KCNAB1: variants seen among roughly 807,000 people sequenced by gnomAD.
KCNAB1 encodes the protein potassium voltage-gated channel subfamily A regulatory beta subunit 1.
KCNAB1 carries 35 observed loss-of-function variants against 64.6 expected under a neutral mutation model. The observed-to-expected ratio is 0.54, with a 90% CI of 0.41 to 0.72. KCNAB1 has a LOEUF of 0.72. Ranked by LOEUF, KCNAB1 falls within the 30% of genes least tolerant of loss-of-function variation. The probability of loss-of-function intolerance (pLI) is 0.00; values close to 1 mark genes in which losing one functional copy is unlikely to be tolerated. For synonymous variants in KCNAB1, 177 were observed against 183.8 expected (o/e 0.96, Z 0.30); for missense variants, 401 against 512.9 (o/e 0.78, Z 2.11).
intron 13 of KCNAB1, among the ~76,000 whole-genome samples, chr3:156,535,964 C>T (rs1160907559): frequency 6.6e-6 from 1 of 152,178 alleles, no homozygotes; most frequent in East Asian, 1.9e-4. Flanking sequence ...CCATTCTTAC[C>T]ATCCGTATCC....
At chr3:156,474,085 C>T (rs1160860786) in intron 7 of KCNAB1, among the ~76,000 whole-genome samples, 1 of 152,062 alleles carries the variant, frequency 6.6e-6, no homozygotes, top group African/African-American at 2.4e-5. Flanking sequence ...GTCTTTATAG[C>T]ATTAGCGTCC....
At chr3:156,244,966 A>G (rs1348469866) in intron 1 of KCNAB1, among the ~76,000 whole-genome samples, 1 of 152,222 alleles carries the variant, frequency 6.6e-6, no homozygotes, top group Non-Finnish European at 1.5e-5. Context: ...CTGGCCACGT[A>G]CAGAAGAAGG....
At chr3:156,491,428 A>G (rs961105399) in intron 8 of KCNAB1, among the ~76,000 whole-genome samples, 1 of 152,134 alleles carries the variant, frequency 6.6e-6, no homozygotes, top group African/African-American at 2.4e-5. Context: ...CTGTAGCTCC[A>G]AATCAAACTA....
At chr3:156,422,078 A>G (rs1715500578) in intron 2 of KCNAB1, among the ~76,000 whole-genome samples, 1 of 152,082 alleles carries the variant, frequency 6.6e-6, no homozygotes, top group Admixed American at 6.5e-5. Flanking sequence ...TATGCATTTT[A>G]TATACTTTTA....
In KCNAB1 at chr3:156,201,556, C is replaced by G. The variant is rs376706326; in HGVS notation, c.275+80670C>G. On this transcript the variant is annotated intron_variant, in intron 1 of 13. Transcript: ENST00000490337. ...CTGCTGTTTTCCTTGCCTAGTTCTGCTCCAGCAGCAGTGTCAGCGCAGGGG... is the reference window on the plus strand; with the variant it reads ...CTGCTGTTTTCCTTGCCTAGTTCTGGTCCAGCAGCAGTGTCAGCGCAGGGG... Among the ~76,000 whole-genome samples, 3 of 152,248 alleles carry G rather than the reference C, an allele frequency of 2.0e-5. No individual in the cohort carries two copies. The East Asian group carries it at 5.8e-4, about 29-fold the overall frequency.
chr3:156,369,477 G>C (rs114084656), intron 1 of KCNAB1, among the ~76,000 whole-genome samples: 7 of 152,330 alleles, frequency 4.6e-5, no homozygotes, highest in Non-Finnish European at 1.0e-4. Context: ...CTGGGTCATA[G>C]AGTTCTCACT....
chr3:156,158,007 C>CA (rs1246921446), intron 1 of KCNAB1, among the ~76,000 whole-genome samples: 4 of 150,642 alleles, frequency 2.7e-5, no homozygotes, highest in Non-Finnish European at 4.4e-5. Context: ...ACTAAAAATA[C>CA]AAAAAAAATT....
intron 11 of KCNAB1, among the ~76,000 whole-genome samples, chr3:156,518,048 G>C (rs1021239551): frequency 2.0e-5 from 3 of 152,164 alleles, no homozygotes; most frequent in East Asian, 1.9e-4. Flanking sequence ...CTCCATCACT[G>C]TTTGAGAAAA....
At chr3:156,502,398 C>T (rs1183263558) in intron 8 of KCNAB1, among the ~76,000 whole-genome samples, 2 of 151,924 alleles carry the variant, frequency 1.3e-5, no homozygotes, top group African/African-American at 4.8e-5. Context: ...ATTTATAAAA[C>T]ATTGATATTT....
intron 1 of KCNAB1, among the ~76,000 whole-genome samples, chr3:156,209,521 A>G (rs1440415858): frequency 2.0e-5 from 3 of 152,250 alleles, no homozygotes; most frequent in Admixed American, 2.0e-4. Flanking sequence ...TATTTCCTGA[A>G]CATTAAAGAC....
chr3:156,203,168 T>G (rs1164695237), intron 1 of KCNAB1, among the ~76,000 whole-genome samples: 1 of 152,222 alleles, frequency 6.6e-6, no homozygotes, highest in East Asian at 1.9e-4. Context: ...CACTGGGAGA[T>G]ATTCATGACC....
At chr3:156,131,786 AGGGGT>A (rs1045083443) in intron 1 of KCNAB1, among the ~76,000 whole-genome samples, 1 of 152,202 alleles carries the variant, frequency 6.6e-6, no homozygotes, top group Admixed American at 6.5e-5. Flanking sequence ...AAGTCCGACC[AGGGGT>A]GGGAAGGGTC....
chr3:156,229,004 C>T (rs867900138), intron 1 of KCNAB1, among the ~76,000 whole-genome samples: 2 of 152,140 alleles, frequency 1.3e-5, no homozygotes, highest in South Asian at 2.1e-4. Flanking sequence ...AGACATACCC[C>T]AGAGGCATCA....
At chr3:156,246,602 C>CA (rs1263785244) in intron 1 of KCNAB1, among the ~76,000 whole-genome samples, 1,557 of 44,984 alleles carry the variant, frequency 0.035, 29 homozygotes, top group African/African-American at 0.1. Flanking sequence ...GACTCTATCT[C>CA]AAAAAAAAAA....
intron 1 of KCNAB1, among the ~76,000 whole-genome samples, chr3:156,315,282 T>C (rs1242303045): frequency 6.6e-6 from 1 of 150,616 alleles, no homozygotes; most frequent in Non-Finnish European, 1.5e-5. Flanking sequence ...ATCATCTATC[T>C]GTAAGCAGGG....
chr3:156,354,152 A>G (rs1312587485), intron 1 of KCNAB1, among the ~76,000 whole-genome samples: 2 of 145,798 alleles, frequency 1.4e-5, no homozygotes, highest in African/African-American at 2.5e-5. Flanking sequence ...ATGTGTATAT[A>G]TATATATGTA....
chr3:156,414,833 C>G (rs1381174003), intron 1 of KCNAB1, among the ~76,000 whole-genome samples: 1 of 152,134 alleles, frequency 6.6e-6, no homozygotes, highest in Non-Finnish European at 1.5e-5. Context: ...GTGGGCACTT[C>G]TCAAGCCCCA....
chr3:156,362,558 G>C (rs934446211), intron 1 of KCNAB1, among the ~76,000 whole-genome samples: 4 of 152,122 alleles, frequency 2.6e-5, no homozygotes, highest in Non-Finnish European at 5.9e-5. Context: ...AATAATAATA[G>C]TATTGTTATT....
intron 1 of KCNAB1, among the ~76,000 whole-genome samples, chr3:156,357,159 G>GCGCACACA (rs545909634): frequency 0.019 from 2,801 of 147,382 alleles, 84 homozygotes; most frequent in African/African-American, 0.066. Context: ...ACATGTGCGC[G>GCGCACACA]CACACACACA....
Sources: gnomAD v4.1 joint callset for allele counts (sites outside exome capture counted in the v4.1 genomes callset) on GRCh38, gnomAD v4.1.1 for gene constraint, MANE v1.5 for transcripts, NCBI Gene and HGNC (gene_info 2026-07-23, HGNC 2026-07-21) for gene names.